The following RAP1A variants were observed in gnomAD, a reference collection of about 807,000 sequenced individuals.
RAP1A encodes the protein ras-related protein Rap-1A.
Under a neutral mutation model 26.4 loss-of-function variants are expected in RAP1A, and 6 were observed. The ratio of observed to expected loss-of-function variants is 0.23; its 90% confidence interval spans 0.12 to 0.45. The LOEUF (loss-of-function observed/expected upper bound fraction) is 0.45, where lower values mean the gene tolerates loss of function less well. RAP1A is among the 20% of genes least tolerant of loss of function. The probability of loss-of-function intolerance (pLI) is 0.99; values close to 1 mark genes in which losing one functional copy is unlikely to be tolerated. For missense variants in RAP1A, 121 were observed against 217.2 expected, an observed-to-expected ratio of 0.56 and a Z score of 2.78; for synonymous variants, 73 against 79.4, an observed-to-expected ratio of 0.92 and a Z score of 0.43.
At chr1:111,606,212 C>T (rs547519456) in intron 1 of RAP1A, among the ~76,000 whole-genome samples, 1 of 152,284 alleles carries the variant, frequency 6.6e-6, no homozygotes, top group South Asian at 2.1e-4. Context: ...ATCTATTTAA[C>T]TTTTATAGTC....
At chr1:111,628,046 A>G (rs1436155027) in intron 1 of RAP1A, among the ~76,000 whole-genome samples, 1 of 152,098 alleles carries the variant, frequency 6.6e-6, no homozygotes, top group African/African-American at 2.4e-5. Flanking sequence ...CAACCTGCTA[A>G]ATATGTGTAT....
At chr1:111,577,351 G>A (rs1021388907) in intron 1 of RAP1A, among the ~76,000 whole-genome samples, 3 of 124,912 alleles carry the variant, frequency 2.4e-5, no homozygotes, top group African/African-American at 6.1e-5. Flanking sequence ...GCAATGAGCC[G>A]AGATCGCACC....
chr1:111,608,303 G>T (rs2101077846), intron 1 of RAP1A: 1 of 161,066 alleles, frequency 6.2e-6, no homozygotes, highest in Non-Finnish European at 1.4e-5. Context: ...TCAGACGATG[G>T]GCGGCCGGGC....
chr1:111,565,656 A>G (rs1657902212), intron 1 of RAP1A, among the ~76,000 whole-genome samples: 1 of 152,204 alleles, frequency 6.6e-6, no homozygotes, highest in Non-Finnish European at 1.5e-5. Context: ...ATAAAACTGA[A>G]GCAGTGTGAA....
intron 1 of RAP1A, among the ~76,000 whole-genome samples, chr1:111,637,938 T>A (rs1659772528): frequency 6.6e-6 from 1 of 152,094 alleles, no homozygotes; most frequent in Non-Finnish European, 1.5e-5. Flanking sequence ...CTTCATTCTG[T>A]ACATTTTAAT....
intron 1 of RAP1A, among the ~76,000 whole-genome samples, chr1:111,621,749 A>C (rs1422482016): frequency 6.6e-6 from 1 of 152,236 alleles, no homozygotes; most frequent in East Asian, 1.9e-4. Flanking sequence ...GCATTTATTC[A>C]CAAAATTTTG....
intron 1 of RAP1A, among the ~76,000 whole-genome samples, chr1:111,655,468 T>A (rs1234413043): frequency 6.6e-6 from 1 of 151,990 alleles, no homozygotes. Context: ...GATAAATATT[T>A]GAAAACTTTA....
rs184532666 is a variant in RAP1A at position 111,662,913 on chromosome 1, G to A, written c.-27-28421G>A. 1.6e-4 allele frequency among the ~76,000 whole-genome samples: 25 copies of A among 152,074 alleles called. No individual in the cohort carries two copies. The East Asian group carries it at 3.9e-3, about 23-fold the overall frequency. On this transcript the variant is annotated intron_variant, in intron 1 of 7. Coordinates refer to ENST00000369709, the MANE Select transcript of RAP1A (RefSeq NM_002884.4). ...TTCCTGCAAAAGTCTCTTTGGTTTTGTTGTTGTTGTTGTTGTGTTTTTGAC... is the reference window on the plus strand; with the variant it reads ...TTCCTGCAAAAGTCTCTTTGGTTTTATTGTTGTTGTTGTTGTGTTTTTGAC...
At chr1:111,546,169 T>G (rs564992591) in intron 1 of RAP1A, among the ~76,000 whole-genome samples, 82 of 152,284 alleles carry the variant, frequency 5.4e-4, no homozygotes, top group African/African-American at 1.9e-3. Context: ...GGAGGCAGTT[T>G]GAATTTTTAT....
intron 2 of RAP1A, among the ~76,000 whole-genome samples, chr1:111,693,389 T>G (rs1661729193): frequency 6.6e-6 from 1 of 151,938 alleles, no homozygotes; most frequent in African/African-American, 2.4e-5. Context: ...GTTTTAGAAT[T>G]GGAGATAGTA....
chr1:111,641,019 A>G lies in RAP1A; in HGVS notation c.-28+21085A>G, dbSNP rs190914891. 1.7e-3 allele frequency among the ~76,000 whole-genome samples: 254 copies of G among 152,326 alleles called. 1 individual carries two copies. Among genetic ancestry groups the G allele is most frequent in the Admixed American group, 1.8e-3 (28 of 15,298 alleles). The stretch of plus-strand genomic sequence containing the variant: ...AGTAATGTATTTTAAAAGGAATACA[A>G]GTAATGCCCTGAAAAGTACAGATCA... On this transcript the variant is annotated intron_variant, in intron 1 of 7. Coordinates refer to ENST00000369709, the MANE Select transcript of RAP1A (RefSeq NM_002884.4).
intron 1 of RAP1A, among the ~76,000 whole-genome samples, chr1:111,686,107 C>T (rs1462349828): frequency 6.8e-6 from 1 of 147,696 alleles, no homozygotes; most frequent in African/African-American, 2.5e-5. Context: ...GAGAAGGTCA[C>T]ACGCCGGGGC....
At chr1:111,635,283 T>C (rs762484518) in intron 1 of RAP1A, among the ~76,000 whole-genome samples, 5 of 152,246 alleles carry the variant, frequency 3.3e-5, no homozygotes, top group African/African-American at 4.8e-5. Flanking sequence ...TATGGATAAG[T>C]GTTTAATTAT....
At chr1:111,655,008 C>G (rs13374039) in intron 1 of RAP1A, among the ~76,000 whole-genome samples, 3 of 151,512 alleles carry the variant, frequency 2.0e-5, no homozygotes, top group Admixed American at 6.6e-5. Flanking sequence ...TGCACTCCAG[C>G]GGTGACAGAG....
intron 1 of RAP1A, 136 bp downstream of exon 1, chr1:111,620,070 C>T (rs2101087274): frequency 5.1e-6 from 2 of 392,064 alleles, no homozygotes; most frequent in South Asian, 2.8e-4. Context: ...CCATCGGTGT[C>T]GGGGCGGCGG....
chr1:111,664,373 C>CAAAAAAAAAAAAAAAAAAAAAAAAA (rs57610280), intron 1 of RAP1A, among the ~76,000 whole-genome samples: 2 of 89,870 alleles, frequency 2.2e-5, no homozygotes, highest in Non-Finnish European at 4.2e-5. Flanking sequence ...GACTCCGTCT[C>CAAAAAAAAAAAAAAAAAAAAAAAAA]AAAAAAAAAA....
chr1:111,681,334 T>C (rs502772), intron 1 of RAP1A, among the ~76,000 whole-genome samples: 18,008 of 152,106 alleles, frequency 0.12, 1,405 homozygotes, highest in East Asian at 0.21. Flanking sequence ...GGGAACAAAA[T>C]TGGATGGAAA....
intron 1 of RAP1A, among the ~76,000 whole-genome samples, chr1:111,642,648 C>G (rs551194746): frequency 1.3e-5 from 2 of 151,956 alleles, no homozygotes; most frequent in Non-Finnish European, 2.9e-5. Context: ...CCACCACGCG[C>G]GGCTAGTTTT....
At chr1:111,676,610 A>G (rs1661134419) in intron 1 of RAP1A, among the ~76,000 whole-genome samples, 1 of 152,200 alleles carries the variant, frequency 6.6e-6, no homozygotes, top group Admixed American at 6.5e-5. Context: ...AATTCAGTTC[A>G]ATAAGTTTTG....
Sources: allele counts gnomAD v4.1 joint callset (sites outside exome capture counted in the v4.1 genomes callset), GRCh38; gene constraint gnomAD v4.1.1; transcripts MANE v1.5; gene names NCBI Gene and HGNC (gene_info 2026-07-23, HGNC 2026-07-21).